MID1: variants seen among roughly 807,000 people sequenced by gnomAD.
MID1 encodes the protein E3 ubiquitin-protein ligase Midline-1.
MID1 carries 7 observed loss-of-function variants against 40.4 expected under a neutral mutation model. That is an observed-to-expected ratio of 0.17 (90% CI 0.10 to 0.33). The LOEUF is 0.33. MID1 is among the 10% of genes least tolerant of loss of function. MID1 has a pLI of 1.00. For synonymous variants in MID1, 229 were observed against 221.2 expected (o/e 1.04, Z -0.31); for missense variants, 367 against 558.5 (o/e 0.66, Z 3.46).
intron 1 of MID1, among the ~76,000 whole-genome samples, chrX:10,584,693 C>A (rs1011430606): frequency 8.9e-6 from 1 of 112,496 alleles, no homozygotes; most frequent in Non-Finnish European, 1.9e-5. Flanking sequence ...TAAATAAATT[C>A]ACTGGCTAGG....
At chrX:10,809,793 G>T in intron 1 of MID1, among the ~76,000 whole-genome samples, 1 of 84,126 alleles carries the variant, frequency 1.2e-5, no homozygotes. Flanking sequence ...GAGGGGGGAG[G>T]GATAGCATTA....
intron 1 of MID1, among the ~76,000 whole-genome samples, chrX:10,600,230 G>A (rs1935493655): frequency 9.0e-6 from 1 of 110,721 alleles, no homozygotes; most frequent in African/African-American, 3.3e-5. Flanking sequence ...GGTGGCTGAG[G>A]TGGGAAGATC....
chrX:10,483,651 C>T (rs1347709296), intron 4 of MID1, among the ~76,000 whole-genome samples: 3 of 112,053 alleles, frequency 2.7e-5, no homozygotes, highest in Non-Finnish European at 3.8e-5. Context: ...TGAAAGGGTA[C>T]GGAGGAGACC....
chrX:10,683,358 A>AAT (rs1294403949), intron 1 of MID1, among the ~76,000 whole-genome samples: 10 of 110,927 alleles, frequency 9.0e-5, no homozygotes, highest in African/African-American at 3.0e-4. Context: ...CCAGCCTGGC[A>AAT]ATATAGTGAG....
At chrX:10,664,108 G>A (rs963729845) in intron 1 of MID1, among the ~76,000 whole-genome samples, 4 of 109,970 alleles carry the variant, frequency 3.6e-5, no homozygotes, top group African/African-American at 6.7e-5. Context: ...TAACTATGGA[G>A]TTAAAAGAGG....
intron 1 of MID1, among the ~76,000 whole-genome samples, chrX:10,725,408 A>AT (rs2043383034): frequency 9.0e-6 from 1 of 111,486 alleles, no homozygotes; most frequent in South Asian, 3.8e-4. Flanking sequence ...TTATAAATAT[A>AT]TTTTTCCCGA....
chrX:10,627,724 G>T (rs1283451133), intron 1 of MID1, among the ~76,000 whole-genome samples: 1 of 111,686 alleles, frequency 9.0e-6, no homozygotes, highest in East Asian at 2.8e-4. Context: ...ATTAGTCTTA[G>T]AGATTAAAAA....
At chrX:10,814,412 TTC>T (rs1376836813) in intron 1 of MID1, among the ~76,000 whole-genome samples, 3 of 111,617 alleles carry the variant, frequency 2.7e-5, no homozygotes, top group Admixed American at 9.6e-5. Context: ...TAAAAAAACT[TTC>T]TTTTAATTGA....
At chrX:10,806,627 C>A (rs926795930) in intron 1 of MID1, among the ~76,000 whole-genome samples, 2 of 112,488 alleles carry the variant, frequency 1.8e-5, no homozygotes, top group African/African-American at 3.2e-5. Flanking sequence ...TTACACTCTT[C>A]TCAACTAGAA....
At chrX:10,455,641 CA>C (rs928765314) in intron 8 of MID1, among the ~76,000 whole-genome samples, 1 of 112,014 alleles carries the variant, frequency 8.9e-6, no homozygotes, top group Non-Finnish European at 1.9e-5. Context: ...AGAAACCAAA[CA>C]AATCAAGATC....
intron 1 of MID1, among the ~76,000 whole-genome samples, chrX:10,674,923 A>T (rs902324496): frequency 1.8e-5 from 2 of 112,639 alleles, no homozygotes; most frequent in Non-Finnish European, 3.7e-5. Flanking sequence ...AAGAAAAAGC[A>T]TATATTTTTT....
At chrX:10,711,821 A>G (rs1443434594) in intron 1 of MID1, among the ~76,000 whole-genome samples, 1 of 112,245 alleles carries the variant, frequency 8.9e-6, no homozygotes, top group African/African-American at 3.2e-5. Flanking sequence ...GATTTAATGC[A>G]GTGGGTCTCA....
intron 2 of MID1, among the ~76,000 whole-genome samples, chrX:10,538,555 C>T (rs1933350996): frequency 1.8e-5 from 2 of 111,357 alleles, no homozygotes; most frequent in Admixed American, 1.9e-4. Context: ...GTTCAAACTC[C>T]TGAGTTGGCG....
At chrX:10,456,665 C>T (rs982903287) in intron 8 of MID1, among the ~76,000 whole-genome samples, 1 of 111,368 alleles carries the variant, frequency 9.0e-6, no homozygotes, top group Non-Finnish European at 1.9e-5. Context: ...GGTAAAACCC[C>T]ATCTCTACTA....
chrX:10,454,412 G>C (rs1180144422), intron 9 of MID1, among the ~76,000 whole-genome samples: 1 of 111,822 alleles, frequency 8.9e-6, no homozygotes, highest in Non-Finnish European at 1.9e-5. Flanking sequence ...TTTTGGCTTC[G>C]TAGACCATAT....
chrX:10,571,808 A>T (rs911186833), intron 1 of MID1, among the ~76,000 whole-genome samples: 6 of 110,316 alleles, frequency 5.4e-5, no homozygotes, highest in African/African-American at 2.0e-4. Flanking sequence ...GTGGTCCCAG[A>T]TACTTGGGAG....
intron 1 of MID1, among the ~76,000 whole-genome samples, chrX:10,819,222 TGA>T (rs367912071): frequency 0.024 from 2,438 of 100,959 alleles, 67 homozygotes; most frequent in African/African-American, 0.078. Context: ...ACAGAGACAG[TGA>T]GAGAGAGAGA....
At position 10,500,675 on chromosome X, in the gene MID1, C is replaced by A. The variant is rs1459490657; in HGVS notation, c.757-4984G>T. On this transcript the variant is annotated intron_variant, in intron 3 of 9. Transcript: ENST00000317552. Reference sequence around the variant, plus strand: ...TATGGCAGGGTTTATTGGTTACTTGCAGTTATGTTCTGGTGTTTCTAGTTC... The same window carrying A: ...TATGGCAGGGTTTATTGGTTACTTGAAGTTATGTTCTGGTGTTTCTAGTTC... Among the ~76,000 whole-genome samples, 11 of 111,751 alleles carry A rather than the reference C, an allele frequency of 9.8e-5. No homozygotes were observed. The Admixed American group carries it at 1.0e-3, about 11-fold the overall frequency.
chrX:10,831,154 T>C (rs1468737027), intron 1 of MID1, among the ~76,000 whole-genome samples: 2 of 111,900 alleles, frequency 1.8e-5, no homozygotes, highest in Non-Finnish European at 3.8e-5. Context: ...CAGCTGGGTA[T>C]GTCTGCAACC....
Sources: allele counts gnomAD v4.1 joint callset (sites outside exome capture counted in the v4.1 genomes callset), GRCh38; gene constraint gnomAD v4.1.1; transcripts MANE v1.5; gene names NCBI Gene and HGNC (gene_info 2026-07-23, HGNC 2026-07-21).